PDE1C: variants seen among roughly 807,000 people sequenced by gnomAD.
PDE1C encodes the protein phosphodiesterase 1C.
A neutral mutation model predicts 93.1 loss-of-function variants in PDE1C; 62 were observed. The ratio of observed to expected loss-of-function variants is 0.67; its 90% CI spans 0.54 to 0.82. PDE1C has a LOEUF of 0.82. Among genes scored for constraint, PDE1C ranks in the 40% least tolerant of loss-of-function variants. The pLI, the probability that PDE1C is intolerant of heterozygous loss-of-function variation, is 0.00. For synonymous variants in PDE1C, 325 were observed against 310.1 expected (o/e 1.05, Z -0.50); for missense variants, 742 against 884.6 (o/e 0.84, Z 2.04).
intron 2 of PDE1C, among the ~76,000 whole-genome samples, chr7:32,014,674 T>C (rs753113423): frequency 2.0e-5 from 3 of 152,150 alleles, no homozygotes; most frequent in Non-Finnish European, 4.4e-5. Flanking sequence ...TGTGTTCTCA[T>C]TGTTCAACTC....
chr7:31,633,124 A>T, the PDE1C span, among the ~76,000 whole-genome samples: 1 of 151,878 alleles, frequency 6.6e-6, no homozygotes, highest in Non-Finnish European at 1.5e-5. Context: ...TGACCTCGTG[A>T]TCTGCCTGCC....
chr7:32,201,598 T>C (rs927192312), intron 2 of PDE1C, among the ~76,000 whole-genome samples: 2 of 152,158 alleles, frequency 1.3e-5, no homozygotes, highest in Non-Finnish European at 2.9e-5. Flanking sequence ...GATAGTCAAG[T>C]GGCTGCTCTG....
At chr7:31,955,060 T>A (rs1807937962) in intron 2 of PDE1C, among the ~76,000 whole-genome samples, 2 of 152,220 alleles carry the variant, frequency 1.3e-5, no homozygotes, top group African/African-American at 4.8e-5. Flanking sequence ...TTTATATATG[T>A]CTCTCTCTTT....
chr7:32,129,314 T>C (rs1453227042), intron 3 of PDE1C, among the ~76,000 whole-genome samples: 1 of 150,618 alleles, frequency 6.6e-6, no homozygotes, highest in African/African-American at 2.5e-5. Flanking sequence ...ATCCCACTTT[T>C]ATTTGTTTTT....
chr7:32,305,195 T>C (rs1812969802), intron 1 of PDE1C, among the ~76,000 whole-genome samples: 1 of 152,244 alleles, frequency 6.6e-6, no homozygotes, highest in Non-Finnish European at 1.5e-5. Context: ...ATGATACTTC[T>C]GTCAGCTATG....
the PDE1C span, among the ~76,000 whole-genome samples, chr7:31,715,978 T>C: frequency 6.6e-6 from 1 of 152,192 alleles, no homozygotes; most frequent in African/African-American, 2.4e-5. Context: ...TGAGTTTTGC[T>C]GGGACCTCCT....
At chr7:32,255,336 G>T (rs1394590559) in intron 1 of PDE1C, among the ~76,000 whole-genome samples, 1 of 152,174 alleles carries the variant, frequency 6.6e-6, no homozygotes, top group East Asian at 1.9e-4. Context: ...AGGGGAAGGA[G>T]CCTGGGCTTT....
intron 1 of PDE1C, chr7:32,052,436 G>T (rs1418394384): frequency 2.3e-6 from 1 of 438,648 alleles, no homozygotes; most frequent in African/African-American, 2.0e-5. Context: ...TTCTTCATAT[G>T]TGTGTCAATT....
chr7:31,980,316 T>C (rs766573297), intron 2 of PDE1C, among the ~76,000 whole-genome samples: 3 of 152,226 alleles, frequency 2.0e-5, no homozygotes, highest in Admixed American at 2.0e-4. Context: ...TCAGGAAATA[T>C]GGAAGTTAAA....
At chr7:31,741,148 C>A in the PDE1C span, among the ~76,000 whole-genome samples, 4 of 150,816 alleles carry the variant, frequency 2.7e-5, no homozygotes, top group Non-Finnish European at 4.4e-5. Context: ...TTGTTTTGAT[C>A]TTTTAGTCTC....
chr7:31,773,796 C>T (rs1405725278), intron 17 of PDE1C, among the ~76,000 whole-genome samples: 1 of 152,160 alleles, frequency 6.6e-6, no homozygotes, highest in African/African-American at 2.4e-5. Context: ...CTTGGCAGCA[C>T]TGGGGGCAGA....
chr7:31,707,241 C>T, the PDE1C span: 9 of 1,613,834 alleles, frequency 5.6e-6, no homozygotes, highest in African/African-American at 5.3e-5. Flanking sequence ...CCAAAGCAAT[C>T]GTGGAAGATG....
intron 1 of PDE1C, among the ~76,000 whole-genome samples, chr7:32,420,310 CATGTGTATATATATGTGTATATATAT>C (rs1401224860): frequency 0.053 from 769 of 14,640 alleles, 234 homozygotes; most frequent in South Asian, 0.078. Context: ...TATATATATA[CATGTGTATATATATGTGTATATATAT>C]ATGTGTATAT....
intron 16 of PDE1C, among the ~76,000 whole-genome samples, chr7:31,801,467 G>C (rs1786027890): frequency 6.6e-6 from 1 of 151,414 alleles, no homozygotes; most frequent in Admixed American, 6.6e-5. Flanking sequence ...ACTTGAAAAA[G>C]ATGTGTATTC....
At chr7:31,925,805 C>T (rs1256735001) in intron 2 of PDE1C, among the ~76,000 whole-genome samples, 1 of 151,932 alleles carries the variant, frequency 6.6e-6, no homozygotes, top group East Asian at 1.9e-4. Context: ...CCTAATTTTC[C>T]CCAATTTTAA....
chr7:31,973,304 A>G (rs942117998), intron 2 of PDE1C, among the ~76,000 whole-genome samples: 1 of 152,180 alleles, frequency 6.6e-6, no homozygotes. Context: ...TCATAAAAAT[A>G]ACTAAAAACT....
At chr7:31,894,950 G>A (rs1252511061) in intron 2 of PDE1C, among the ~76,000 whole-genome samples, 1 of 152,218 alleles carries the variant, frequency 6.6e-6, no homozygotes, top group Non-Finnish European at 1.5e-5. Flanking sequence ...AGAATGGATA[G>A]CTGGGGAATT....
intron 1 of PDE1C, among the ~76,000 whole-genome samples, chr7:32,304,626 TA>T (rs1466883296): frequency 1.3e-5 from 2 of 152,172 alleles, no homozygotes; most frequent in Admixed American, 6.5e-5. Flanking sequence ...AATAGGTTAA[TA>T]ACTTTTAAAA....
chr7:31,653,858 C>T, the PDE1C span, among the ~76,000 whole-genome samples: 7 of 152,098 alleles, frequency 4.6e-5, no homozygotes, highest in African/African-American at 1.7e-4. Flanking sequence ...GTTCAGACAG[C>T]CCTGGTTGAG....
Sources: gnomAD v4.1 joint callset for allele counts (sites outside exome capture counted in the v4.1 genomes callset) on GRCh38, gnomAD v4.1.1 for gene constraint, MANE v1.5 for transcripts, NCBI Gene and HGNC (gene_info 2026-07-23, HGNC 2026-07-21) for gene names.